The following GLIS3 variants were observed in gnomAD, a reference collection of about 807,000 sequenced individuals.
The protein encoded by GLIS3 is zinc finger protein GLIS3.
Under a neutral mutation model 78.6 loss-of-function variants are expected in GLIS3, and 53 were observed. The ratio of observed to expected loss-of-function variants is 0.67; its 90% CI spans 0.54 to 0.85. GLIS3 has a LOEUF of 0.85. GLIS3 is among the 40% of genes least tolerant of loss of function. The probability of loss-of-function intolerance (pLI) is 0.00; values close to 1 mark genes in which losing one functional copy is unlikely to be tolerated. For synonymous variants in GLIS3, 684 were observed against 509.9 expected, an observed-to-expected ratio of 1.34 and a Z score of -4.60; for missense variants, 1,703 against 1,231.1, an observed-to-expected ratio of 1.38 and a Z score of -5.74.
At chr9:4,031,242 C>G (rs1009195780) in intron 4 of GLIS3, among the ~76,000 whole-genome samples, 5 of 152,034 alleles carry the variant, frequency 3.3e-5, no homozygotes. Context: ...AAATTTCCAT[C>G]AACAGATGAA....
intron 4 of GLIS3, among the ~76,000 whole-genome samples, chr9:3,970,399 A>G (rs987998098): frequency 2.1e-4 from 32 of 152,244 alleles, no homozygotes; most frequent in African/African-American, 7.5e-4. Flanking sequence ...AATTCATGGA[A>G]CAGGAAGTCC....
the GLIS3 span, among the ~76,000 whole-genome samples, chr9:4,463,170 A>G: frequency 6.6e-6 from 1 of 152,380 alleles, no homozygotes; most frequent in Admixed American, 6.5e-5. Context: ...TCACAAACAC[A>G]GAATACATTT....
At chr9:3,945,034 T>C (rs1816197992) in intron 4 of GLIS3, among the ~76,000 whole-genome samples, 1 of 152,180 alleles carries the variant, frequency 6.6e-6, no homozygotes, top group African/African-American at 2.4e-5. Context: ...CTGTGACAAT[T>C]AGCCCAGGCC....
intron 4 of GLIS3, among the ~76,000 whole-genome samples, chr9:4,109,982 A>G (rs1268645896): frequency 6.6e-6 from 1 of 152,142 alleles, no homozygotes; most frequent in Non-Finnish European, 1.5e-5. Flanking sequence ...TTTCCCATTA[A>G]AAGTTTGCAT....
At chr9:3,892,481 C>A (rs117121157) in intron 7 of GLIS3, among the ~76,000 whole-genome samples, 101 of 152,254 alleles carry the variant, frequency 6.6e-4, no homozygotes, top group African/African-American at 2.3e-3. Flanking sequence ...TGAATAAATT[C>A]CACAATACCC....
chr9:4,460,040 T>C, the GLIS3 span, among the ~76,000 whole-genome samples: 1 of 151,808 alleles, frequency 6.6e-6, no homozygotes, highest in Non-Finnish European at 1.5e-5. Context: ...GAATTGTCCA[T>C]TCCAATCTTT....
the GLIS3 span, among the ~76,000 whole-genome samples, chr9:4,408,152 G>C: frequency 1.3e-5 from 2 of 152,100 alleles, no homozygotes; most frequent in African/African-American, 2.4e-5. Flanking sequence ...GGGAACCCTC[G>C]TACGCTGTCA....
the GLIS3 span, among the ~76,000 whole-genome samples, chr9:4,450,654 C>G: frequency 6.6e-6 from 1 of 152,176 alleles, no homozygotes; most frequent in Admixed American, 6.5e-5. Context: ...GATCTCTTGG[C>G]AGAAACTCTA....
At chr9:4,375,426 T>C in the GLIS3 span, among the ~76,000 whole-genome samples, 3 of 152,214 alleles carry the variant, frequency 2.0e-5, no homozygotes, top group African/African-American at 7.2e-5. Flanking sequence ...TGAAAACAAT[T>C]TGCGACTGTT....
chr9:4,240,477 A>C (rs1823195989), intron 2 of GLIS3, among the ~76,000 whole-genome samples: 1 of 152,126 alleles, frequency 6.6e-6, no homozygotes, highest in Non-Finnish European at 1.5e-5. Context: ...CCCTGATCTA[A>C]AGCATAACTT....
At chr9:4,231,803 G>C (rs569417572) in intron 2 of GLIS3, among the ~76,000 whole-genome samples, 39 of 152,204 alleles carry the variant, frequency 2.6e-4, no homozygotes, top group East Asian at 1.9e-4. Context: ...TGTAAACAAT[G>C]GTCCTACTAC....
At chr9:4,159,647 A>G (rs1390749688) in intron 2 of GLIS3, among the ~76,000 whole-genome samples, 1 of 151,968 alleles carries the variant, frequency 6.6e-6, no homozygotes, top group Non-Finnish European at 1.5e-5. Flanking sequence ...TGAATCCGGG[A>G]GGCAGAGGTT....
intron 2 of GLIS3, among the ~76,000 whole-genome samples, chr9:4,143,408 A>C (rs895231246): frequency 2.6e-5 from 4 of 151,976 alleles, no homozygotes; most frequent in Admixed American, 2.6e-4. Context: ...CTCTACTAAA[A>C]ATACAAAAAT....
At chr9:4,252,671 C>T (rs2129890125) in intron 2 of GLIS3, among the ~76,000 whole-genome samples, 1 of 152,218 alleles carries the variant, frequency 6.6e-6, no homozygotes, top group South Asian at 2.1e-4. Flanking sequence ...AGTTGTGATC[C>T]TTTGGAGGAG....
intron 1 of GLIS3, among the ~76,000 whole-genome samples, chr9:4,289,621 C>G (rs996682829): frequency 1.3e-5 from 2 of 152,058 alleles, no homozygotes; most frequent in African/African-American, 4.8e-5. Context: ...ATTTTCTCCT[C>G]TGTTCTCCAT....
chr9:3,875,250 A>T (rs964578471), intron 8 of GLIS3, among the ~76,000 whole-genome samples: 30 of 152,248 alleles, frequency 2.0e-4, no homozygotes, highest in Admixed American at 2.0e-3. Context: ...TAGGTGATGT[A>T]GTGTGCTGCT....
chr9:3,843,186 A>G (rs747218866), intron 9 of GLIS3, among the ~76,000 whole-genome samples: 6 of 152,172 alleles, frequency 3.9e-5, no homozygotes, highest in Non-Finnish European at 5.9e-5. Context: ...CCCACATTAC[A>G]TCCGCTTTAC....
chr9:4,389,502 G>A, the GLIS3 span, among the ~76,000 whole-genome samples: 1 of 152,210 alleles, frequency 6.6e-6, no homozygotes, highest in Non-Finnish European at 1.5e-5. Context: ...CCTTGTTGGT[G>A]AAATATGGTC....
rs150815000 is a variant in GLIS3, at chr9:3,932,669, G to C, written c.1873-199C>G. The C allele has an allele frequency of 1.6e-4, 86 of 539,040 alleles. 2 individuals carry two copies. Among genetic ancestry groups the C allele is most frequent in the African/African-American group, 1.5e-3 (78 of 52,402 alleles). 33.4% of individuals were successfully genotyped at this position (539,040 alleles called of 1,614,324 possible). On this transcript the variant is annotated intron_variant, in intron 5 of 10. Coordinates refer to ENST00000381971, the MANE Select transcript of GLIS3 (RefSeq NM_001042413.2). The stretch of plus-strand genomic sequence containing the variant: ...GTTAAGAGAAGGGTAAACTTTCAAG[G>C]AACAAAGAGATGCCCTATCCTTGAT...
Sources: allele counts gnomAD v4.1 joint callset (sites outside exome capture counted in the v4.1 genomes callset), GRCh38; gene constraint gnomAD v4.1.1; transcripts MANE v1.5; gene names NCBI Gene and HGNC (gene_info 2026-07-23, HGNC 2026-07-21).